HIPK2: variants seen among roughly 807,000 people sequenced by gnomAD.
HIPK2 encodes homeodomain interacting protein kinase 2, also known as homeodomain-interacting protein kinase 2.
HIPK2 carries 27 observed loss-of-function variants against 113.7 expected under a neutral mutation model. That is an observed-to-expected ratio of 0.24 (90% CI 0.17 to 0.33). The LOEUF (loss-of-function observed/expected upper bound fraction) is 0.33. Ranked by LOEUF, HIPK2 falls within the 10% of genes least tolerant of loss-of-function variation. The probability of loss-of-function intolerance (pLI) is 1.00; values close to 1 mark genes in which losing one functional copy is unlikely to be tolerated. For synonymous variants in HIPK2, 631 were observed against 642.2 expected (o/e 0.98, Z 0.26); for missense variants, 1,257 against 1,588.0 (o/e 0.79, Z 3.54).
Position 139,716,016 on chromosome 7 carries a change from T to G in HIPK2, c.1019A>C (p.Tyr340Ser). Residue 340 changes from tyrosine (Y) to serine (S), a missense_variant, in exon 2 of 15, where the codon TAC becomes TCC. Tyr to Ser is a moderately radical substitution (Grantham distance 144). This residue lies in a region of HIPK2 where 84 missense variants were observed against 182.2 expected (regional missense o/e 0.46). Transcript: ENST00000406875. This position sits in a 1 kb window ranked among gnomAD's most constrained non-coding sequence, Gnocchi z 9.3. ...ACCAAAGTCGATGACCTTGACTCTG[T>G]ATGGTTGTCTAGATGGATCCACCAG... ...IMLVDPSRQP[Y>S]RVKVIDFGSA... The G allele has an allele frequency of 6.2e-7, 1 of 1,614,122 alleles. No homozygotes were observed.
intron 1 of HIPK2, among the ~76,000 whole-genome samples, chr7:139,769,976 G>A (rs994867488): frequency 1.3e-5 from 2 of 152,180 alleles, no homozygotes; most frequent in Admixed American, 6.5e-5. Context: ...TGGTTCAGGG[G>A]AAAAGGCCGA....
chr7:139,620,993 T>C (rs1040118290), intron 6 of HIPK2, among the ~76,000 whole-genome samples: 1 of 152,158 alleles, frequency 6.6e-6, no homozygotes, highest in Non-Finnish European at 1.5e-5. Context: ...ACAACCCTTG[T>C]AGTCACCTGC....
intron 2 of HIPK2, among the ~76,000 whole-genome samples, chr7:139,698,686 G>A (rs1217394724): frequency 1.3e-5 from 2 of 152,096 alleles, no homozygotes; most frequent in Non-Finnish European, 2.9e-5. Context: ...AGGATTGGGC[G>A]ATTTATATAA....
Position 139,660,186 on chromosome 7 carries a change from A to G in HIPK2, c.1104-28461T>C, listed in dbSNP as rs185574753. On this transcript the variant is annotated intron_variant, in intron 2 of 14. Transcript: ENST00000406875. ...GTTATTGTCTGTCTCTTGGGAAACCACTAAAGGAAAGAGTAGGAAGTAGGC... is the reference window on the plus strand; with the variant it reads ...GTTATTGTCTGTCTCTTGGGAAACCGCTAAAGGAAAGAGTAGGAAGTAGGC... Among the ~76,000 whole-genome samples, 610 of 152,360 alleles carry G rather than the reference A, an allele frequency of 4.0e-3. 1 individual carries two copies. The highest frequency in any genetic ancestry group is 5.6e-3 in the Non-Finnish European group (380 of 68,032).
chr7:139,737,995 G>A (rs1232306648), intron 1 of HIPK2, among the ~76,000 whole-genome samples: 4 of 152,172 alleles, frequency 2.6e-5, no homozygotes, highest in African/African-American at 9.7e-5. Context: ...GCCCAGACCC[G>A]ATCCATCTGC....
Position 139,761,911 on chromosome 7 carries a change from T to C in HIPK2, c.19+15694A>G, listed in dbSNP as rs113842607. ...TATGCATACAAAAAGACCTAAGAGATGTAACAGTGGTCATTTCTGGACAGA... is the reference window on the plus strand; with the variant it reads ...TATGCATACAAAAAGACCTAAGAGACGTAACAGTGGTCATTTCTGGACAGA... On this transcript the variant is annotated intron_variant, in intron 1 of 14. Transcript: ENST00000406875. Among the ~76,000 whole-genome samples, 458 of 152,214 alleles carry C rather than the reference T, an allele frequency of 3.0e-3. 2 individuals are homozygous for C. Among genetic ancestry groups the C allele is most frequent in the African/African-American group, 0.011 (437 of 41,540 alleles).
In HIPK2 at chr7:139,683,169, G is replaced by A. The variant is rs1012495112; in HGVS notation, c.1103+32763C>T. On this transcript the variant is annotated intron_variant, in intron 2 of 14. Transcript: ENST00000406875. The surrounding 1 kb of genome is among the most constrained non-coding windows in gnomAD (Gnocchi z 4.2). ...CCTGGAAGGGCCTGGCTCTCACCTC[G>A]GAGCCTGGACGTGACCTGCTTCATG... 1.3e-5 allele frequency among the ~76,000 whole-genome samples: 2 copies of A among 152,170 alleles called. No homozygotes were observed. Among genetic ancestry groups the A allele is most frequent in the Non-Finnish European group, 2.9e-5 (2 of 68,034 alleles).
In HIPK2 at chr7:139,620,406, T is replaced by A; in HGVS notation, c.1777A>T (p.Asn593Tyr). 1 of 1,613,972 alleles carries A rather than the reference T, an allele frequency of 6.2e-7. No homozygotes were observed. Among genetic ancestry groups the A allele is most frequent in the Non-Finnish European group, 8.5e-7 (1 of 1,179,878 alleles). The change falls in exon 7 of 15, where the codon AAC (asparagine) becomes TAC (tyrosine). Residue 593 changes from asparagine (N) to tyrosine (Y), a missense_variant. By Grantham distance (143) the Asn-to-Tyr change is moderately radical. This residue lies in a region of HIPK2 where 862 missense variants were observed against 1,004.3 expected (regional missense o/e 0.86). Transcript: ENST00000406875. ...TFNNQLTTVH[N>Y]QAPSSTSATI... ...CCCTTCTGTTTCCCACTTACCTGGTTGTGGACAGTGGTCAGCTGGTTGTTA... is the reference window on the plus strand; with the variant it reads ...CCCTTCTGTTTCCCACTTACCTGGTAGTGGACAGTGGTCAGCTGGTTGTTA...
intron 2 of HIPK2, among the ~76,000 whole-genome samples, chr7:139,644,167 A>G (rs1801129504): frequency 6.6e-6 from 1 of 152,100 alleles, no homozygotes; most frequent in African/African-American, 2.4e-5. Context: ...AAATGTTTTT[A>G]TCTTTTTTTT....
intron 2 of HIPK2, among the ~76,000 whole-genome samples, chr7:139,705,385 T>C (rs1315304987): frequency 6.6e-6 from 1 of 151,900 alleles, no homozygotes; most frequent in Non-Finnish European, 1.5e-5. Context: ...TTTCCCCCTT[T>C]TTTTTTTTTG....
intron 2 of HIPK2, among the ~76,000 whole-genome samples, chr7:139,682,698 G>A (rs1383561554): frequency 6.6e-6 from 1 of 152,218 alleles, no homozygotes; most frequent in Non-Finnish European, 1.5e-5. Context: ...GCGCCTAATG[G>A]TAAATCTCAG....
intron 1 of HIPK2, among the ~76,000 whole-genome samples, chr7:139,724,234 T>C (rs1471896381): frequency 3.3e-5 from 5 of 152,172 alleles, no homozygotes; most frequent in East Asian, 1.9e-4. Flanking sequence ...GGTGATCTAA[T>C]ACCTCAGGGG....
chr7:139,716,355 AT>A lies in HIPK2; in HGVS notation c.679del (p.Ile227SerfsTer4). On this transcript the variant is annotated frameshift_variant, in exon 2 of 15. Coordinates refer to ENST00000406875, the MANE Select transcript of HIPK2 (RefSeq NM_022740.5). LOFTEE classifies it high-confidence loss of function. The surrounding 1 kb of genome is among the most constrained non-coding windows in gnomAD (Gnocchi z 9.3). ...WKRGTNEIVA[I>X]KILKNHPSYA... ...GGATGGGTGGTTCTTCAGGATCTTG[AT>A]GGCTACGATCTCATTGGTGCCCCGT... The A allele has an allele frequency of 6.2e-7, 1 of 1,614,094 alleles. No individual in the cohort carries two copies. Among genetic ancestry groups the A allele is most frequent in the Non-Finnish European group, 8.5e-7 (1 of 1,180,026 alleles).
chr7:139,671,786 G>T (rs1417246465), intron 2 of HIPK2, among the ~76,000 whole-genome samples: 1 of 152,204 alleles, frequency 6.6e-6, no homozygotes, highest in Non-Finnish European at 1.5e-5. Flanking sequence ...GACCTCAGGT[G>T]ATCTGCCTGC....
At chr7:139,598,620 TCA>T (rs1799305832) in intron 11 of HIPK2, among the ~76,000 whole-genome samples, 1 of 152,210 alleles carries the variant, frequency 6.6e-6, no homozygotes, top group Non-Finnish European at 1.5e-5. Context: ...TACATACCTT[TCA>T]CTATAATTAT....
At chr7:139,706,834 A>T (rs1194005670) in intron 2 of HIPK2, among the ~76,000 whole-genome samples, 1 of 152,234 alleles carries the variant, frequency 6.6e-6, no homozygotes, top group Non-Finnish European at 1.5e-5. Context: ...GGTGGGAAGG[A>T]CAAAGAGTGA....
intron 2 of HIPK2, among the ~76,000 whole-genome samples, chr7:139,657,945 C>T (rs915153097): frequency 5.4e-4 from 82 of 152,190 alleles, no homozygotes; most frequent in Non-Finnish European, 4.4e-5. Flanking sequence ...GATCAGGAGA[C>T]CTGGGTTCTC....
rs1798019654 is a variant in HIPK2, at chr7:139,563,938, G to C, written c.*8989C>G. 2.5e-6 allele frequency: 1 copy of C among 398,512 alleles called. No homozygotes were observed. Among genetic ancestry groups the C allele is most frequent in the African/African-American group, 2.1e-5 (1 of 48,616 alleles). The allele number at this position is 398,512 out of a possible 1,614,324, so 24.7% of individuals were successfully genotyped here. A position where few individuals can be genotyped will look rare whatever the true frequency, so the allele number is the denominator to read the frequency against. On this transcript the variant is annotated 3_prime_UTR_variant, in exon 15 of 15. Transcript: ENST00000406875. ...AAAGAAACCAAGACTCAGGGAAACT[G>C]CCATTCCCCCAGTCTGTTTCTGCAT...
At chr7:139,750,627 G>A (rs530219658) in intron 1 of HIPK2, among the ~76,000 whole-genome samples, 1 of 152,332 alleles carries the variant, frequency 6.6e-6, no homozygotes, top group Admixed American at 6.5e-5. Flanking sequence ...GAAGTACTCA[G>A]ACCTGTTATT....
Sources: allele counts gnomAD v4.1 joint callset (sites outside exome capture counted in the v4.1 genomes callset), GRCh38; gene constraint gnomAD v4.1.1; regional missense constraint gnomAD v4.1.1; non-coding constraint Gnocchi (gnomAD v3.1); transcripts MANE v1.5; gene names NCBI Gene and HGNC (gene_info 2026-07-23, HGNC 2026-07-21).